The following ARHGAP44 variants were observed in gnomAD, a reference collection of about 807,000 sequenced individuals.
ARHGAP44 encodes rho GTPase-activating protein 44.
In ARHGAP44, 43 loss-of-function variants were observed where a neutral mutation model predicts 106.8. That is an observed-to-expected ratio of 0.40 (90% CI 0.32 to 0.52). The LOEUF is 0.52. ARHGAP44 is among the 20% of genes least tolerant of loss of function. The pLI is 0.48. For synonymous variants in ARHGAP44, 439 were observed against 410.3 expected (o/e 1.07, Z -0.85); for missense variants, 866 against 1,050.5 (o/e 0.82, Z 2.43).
intron 1 of ARHGAP44, among the ~76,000 whole-genome samples, chr17:12,892,737 A>G (rs2037084591): frequency 6.7e-6 from 1 of 148,570 alleles, no homozygotes; most frequent in East Asian, 2.0e-4. Context: ...TGCTTCCTCC[A>G]GTTCACTGAT....
chr17:12,842,103 A>G (rs2035425910), intron 1 of ARHGAP44, among the ~76,000 whole-genome samples: 1 of 151,938 alleles, frequency 6.6e-6, no homozygotes, highest in African/African-American at 2.4e-5. Flanking sequence ...CCCCGCTCCC[A>G]AAGATTTGAT....
At position 12,824,552 on chromosome 17, in the gene ARHGAP44, G is replaced by A. The variant is rs867462338; in HGVS notation, c.53+34661G>A. On this transcript the variant is annotated intron_variant, in intron 1 of 20. Coordinates refer to ENST00000379672, the MANE Select transcript of ARHGAP44 (RefSeq NM_014859.6). Reference sequence around the variant, plus strand: ...CCCATCTGATTGAGTTGGAAACCTCGACCCTACTTTCTTTTTCTAATTCAT... The same window carrying A: ...CCCATCTGATTGAGTTGGAAACCTCAACCCTACTTTCTTTTTCTAATTCAT... 3.3e-5 allele frequency among the ~76,000 whole-genome samples: 5 copies of A among 152,050 alleles called. No homozygotes were observed. The Middle Eastern group carries it at 0.01, about 312-fold the overall frequency.
At chr17:12,972,731 G>A (rs1018592249) in intron 16 of ARHGAP44, among the ~76,000 whole-genome samples, 2 of 150,754 alleles carry the variant, frequency 1.3e-5, no homozygotes, top group Non-Finnish European at 3.0e-5. Context: ...TCGCAGTCTC[G>A]GCTCACTGCA....
chr17:12,973,965 C>T lies in ARHGAP44; in HGVS notation c.1542-124C>T, dbSNP rs895032659. ...AGCCCCCAATGCATCGCTTCCCGGG[C>T]CCCCGGGGTGCTAAAGCTGCGCTGC... On this transcript the variant is annotated intron_variant, in intron 17 of 20. Transcript: ENST00000379672. The T allele has an allele frequency of 3.0e-5, 31 of 1,044,660 alleles. No individual in the cohort carries two copies. The East Asian group carries it at 7.4e-4, about 25-fold the overall frequency. The allele number at this position is 1,044,660 out of a possible 1,614,324, so 64.7% of individuals were successfully genotyped here.
chr17:12,884,100 G>A (rs1274952816), intron 1 of ARHGAP44, among the ~76,000 whole-genome samples: 1 of 151,792 alleles, frequency 6.6e-6, no homozygotes, highest in East Asian at 1.9e-4. Flanking sequence ...GAAATAGGCT[G>A]GTATATGTTT....
At chr17:12,960,702 T>G (rs2039241300) in intron 16 of ARHGAP44, among the ~76,000 whole-genome samples, 1 of 152,082 alleles carries the variant, frequency 6.6e-6, no homozygotes, top group African/African-American at 2.4e-5. Flanking sequence ...TAGCTGGGAT[T>G]ACAGGCAGGA....
intron 10 of ARHGAP44, among the ~76,000 whole-genome samples, chr17:12,947,294 T>C (rs890526678): frequency 6.6e-6 from 1 of 152,190 alleles, no homozygotes; most frequent in Non-Finnish European, 1.5e-5. Flanking sequence ...TTGGCCACAG[T>C]GCTGCCTGGT....
chr17:12,924,503 G>A (rs1029444949), intron 6 of ARHGAP44, among the ~76,000 whole-genome samples: 4 of 152,130 alleles, frequency 2.6e-5, no homozygotes, highest in East Asian at 1.9e-4. Flanking sequence ...TAACCCTCCC[G>A]AGTCTGGGAC....
chr17:12,942,864 T>C (rs1176652351), intron 8 of ARHGAP44, among the ~76,000 whole-genome samples: 2 of 152,208 alleles, frequency 1.3e-5, no homozygotes, highest in Non-Finnish European at 2.9e-5. Flanking sequence ...AATAGAATAC[T>C]TTGAAGGAAT....
At chr17:12,961,319 G>A (rs1447442706) in intron 16 of ARHGAP44, among the ~76,000 whole-genome samples, 2 of 152,182 alleles carry the variant, frequency 1.3e-5, no homozygotes, top group Non-Finnish European at 2.9e-5. Flanking sequence ...TAAATGATAT[G>A]TCCACTCTGT....
chr17:12,895,673 A>G (rs1167955425), intron 2 of ARHGAP44, among the ~76,000 whole-genome samples: 3 of 152,220 alleles, frequency 2.0e-5, no homozygotes, highest in Non-Finnish European at 2.9e-5. Context: ...AACTAGTTCA[A>G]CCATTGTGGA....
At chr17:12,832,123 G>A (rs549909801) in intron 1 of ARHGAP44, among the ~76,000 whole-genome samples, 2 of 152,296 alleles carry the variant, frequency 1.3e-5, no homozygotes, top group Non-Finnish European at 2.9e-5. Context: ...AATTCCTGCA[G>A]AGCCAGCTGA....
intron 5 of ARHGAP44, among the ~76,000 whole-genome samples, chr17:12,919,001 G>A (rs527713193): frequency 6.6e-6 from 1 of 152,356 alleles, no homozygotes; most frequent in South Asian, 2.1e-4. Context: ...TTCATCTGAT[G>A]TTGGTCAAAG....
chr17:12,812,036 C>T (rs756923196), intron 1 of ARHGAP44, among the ~76,000 whole-genome samples: 1 of 152,166 alleles, frequency 6.6e-6, no homozygotes, highest in Non-Finnish European at 1.5e-5. Flanking sequence ...ACCCACAGGG[C>T]CCACGAAGCA....
rs186347642 is a variant in ARHGAP44 at position 12,894,663 on chromosome 17, A to G, written c.54-277A>G. ...ACCTTAATTCTGATACTTAAAATATATACATATCTGGAAACAAAGGCATAC... is the reference window on the plus strand; with the variant it reads ...ACCTTAATTCTGATACTTAAAATATGTACATATCTGGAAACAAAGGCATAC... On this transcript the variant is annotated intron_variant, in intron 1 of 20. Coordinates refer to ENST00000379672, the MANE Select transcript of ARHGAP44 (RefSeq NM_014859.6). Among the ~76,000 whole-genome samples, 192 of 152,226 alleles carry G rather than the reference A, an allele frequency of 1.3e-3. 2 individuals carry two copies. Among genetic ancestry groups the G allele is most frequent in the Admixed American group, 0.012 (178 of 15,282 alleles).
chr17:12,879,683 G>GTA (rs533622463), intron 1 of ARHGAP44, among the ~76,000 whole-genome samples: 159 of 113,366 alleles, frequency 1.4e-3, no homozygotes, highest in South Asian at 4.6e-3. Flanking sequence ...GTGTGTATGT[G>GTA]TATATATATA....
chr17:12,967,249 CTT>C (rs57651305), intron 16 of ARHGAP44, among the ~76,000 whole-genome samples: 5,384 of 92,480 alleles, frequency 0.058, 166 homozygotes, highest in Non-Finnish European at 0.07. Flanking sequence ...ACTCTTTTTG[CTT>C]TTTTTTTTTT....
At chr17:12,985,904 C>G (rs2039944887) in intron 20 of ARHGAP44, 2 of 152,268 alleles carry the variant, frequency 1.3e-5, no homozygotes, top group South Asian at 2.1e-4. Context: ...CACACACCCA[C>G]TCACCCATTT....
intron 13 of ARHGAP44, among the ~76,000 whole-genome samples, chr17:12,953,264 G>A (rs150013113): frequency 2.4e-4 from 37 of 152,202 alleles, no homozygotes; most frequent in African/African-American, 7.0e-4. Context: ...TTCCACTTCC[G>A]GCGCGCTGCA....
Sources: gnomAD v4.1 joint callset for allele counts (sites outside exome capture counted in the v4.1 genomes callset) on GRCh38, gnomAD v4.1.1 for gene constraint, MANE v1.5 for transcripts, NCBI Gene and HGNC (gene_info 2026-07-23, HGNC 2026-07-21) for gene names.